Variants in EPHB1 observed in about 807,000 individuals in gnomAD.
The protein encoded by EPHB1 is EPH receptor B1.
A neutral mutation model predicts 94.4 loss-of-function variants in EPHB1; 30 were observed. The ratio of observed to expected loss-of-function variants is 0.32; its 90% CI spans 0.24 to 0.43. The LOEUF is 0.43. Ranked by LOEUF, EPHB1 falls within the 20% of genes least tolerant of loss-of-function variation. EPHB1 has a pLI of 1.00. For missense variants in EPHB1, 1,055 were observed against 1,308.3 expected, an observed-to-expected ratio of 0.81 and a Z score of 2.99; for synonymous variants, 522 against 489.1, an observed-to-expected ratio of 1.07 and a Z score of -0.89.
intron 2 of EPHB1, among the ~76,000 whole-genome samples, chr3:134,936,577 C>CG (rs1043224480): frequency 6.6e-6 from 1 of 152,138 alleles, no homozygotes; most frequent in African/African-American, 2.4e-5. Context: ...ACGCGCCCCC[C>CG]CCTCCATTTG....
intron 1 of EPHB1, among the ~76,000 whole-genome samples, chr3:134,826,150 G>A (rs957537015): frequency 2.0e-5 from 3 of 151,316 alleles, no homozygotes; most frequent in African/African-American, 7.3e-5. Context: ...TACTCTGGAG[G>A]CTGAGGCAGG....
At chr3:135,050,912 T>TTGTG (rs61632320) in intron 3 of EPHB1, among the ~76,000 whole-genome samples, 1,510 of 148,040 alleles carry the variant, frequency 0.01, 8 homozygotes, top group Middle Eastern at 0.017. Context: ...TAAACACCCT[T>TTGTG]TGTGTGTGTG....
intron 5 of EPHB1, among the ~76,000 whole-genome samples, chr3:135,142,488 T>C (rs1161142328): frequency 6.6e-6 from 1 of 152,182 alleles, no homozygotes; most frequent in African/African-American, 2.4e-5. Flanking sequence ...TTGTGAATTA[T>C]GTTATTGCAA....
intron 3 of EPHB1, among the ~76,000 whole-genome samples, chr3:134,963,135 CTCCT>C (rs59384593): frequency 0.19 from 25,725 of 136,880 alleles, 2,863 homozygotes; most frequent in Middle Eastern, 0.29. Flanking sequence ...CCTTCTCTTG[CTCCT>C]TCCTTCCTTC....
intron 4 of EPHB1, among the ~76,000 whole-genome samples, chr3:135,113,941 GAGCAAGGTTC>G (rs1157529904): frequency 6.6e-6 from 1 of 152,196 alleles, no homozygotes; most frequent in African/African-American, 2.4e-5. Flanking sequence ...CCTCACTCCA[GAGCAAGGTTC>G]AGTAGAAAAG....
chr3:134,932,454 C>T (rs1036849646), intron 2 of EPHB1, among the ~76,000 whole-genome samples: 6 of 152,166 alleles, frequency 3.9e-5, no homozygotes, highest in Non-Finnish European at 5.9e-5. Context: ...AAATCAATTA[C>T]GATTTATCTG....
intron 10 of EPHB1, among the ~76,000 whole-genome samples, chr3:135,191,834 C>T (rs955636134): frequency 1.3e-5 from 2 of 152,228 alleles, no homozygotes; most frequent in Non-Finnish European, 1.5e-5. Context: ...CCTTCAGGGT[C>T]GGCCCCGGCT....
At chr3:134,813,074 T>A (rs2036206793) in intron 1 of EPHB1, among the ~76,000 whole-genome samples, 1 of 152,174 alleles carries the variant, frequency 6.6e-6, no homozygotes, top group South Asian at 2.1e-4. Flanking sequence ...TGGGTGGGTC[T>A]CATTCCTGGA....
intron 10 of EPHB1, 115 bp from the exon 11 acceptor site, chr3:135,192,461 C>T (rs569149256): frequency 1.7e-4 from 225 of 1,300,280 alleles, no homozygotes; most frequent in African/African-American, 1.1e-3. Context: ...TTTTAATTTC[C>T]GCCACTTTAA....
intron 3 of EPHB1, among the ~76,000 whole-genome samples, chr3:134,993,869 C>G (rs549063538): frequency 6.6e-6 from 1 of 152,340 alleles, no homozygotes; most frequent in Admixed American, 6.5e-5. Context: ...CATTTAAAGT[C>G]TTGGGTTTCC....
rs562764225 is a variant in EPHB1 at position 134,859,844 on chromosome 3, G to A, written c.58+64155G>A. Among the ~76,000 whole-genome samples the A allele has an allele frequency of 4.6e-5, 7 of 152,070 alleles. No individual in the cohort carries two copies. In the East Asian group the frequency reaches 5.8e-4, roughly 13 times the overall value. ...TAGGTGCATACAAATTTATACGGCC[G>A]CAATCATAATTTGGTATCTTGCTTT... is the stretch of plus-strand genomic sequence containing the variant. On this transcript the variant is annotated intron_variant, in intron 1 of 15. Transcript: ENST00000398015.
chr3:135,039,330 G>C (rs954317720), intron 3 of EPHB1, among the ~76,000 whole-genome samples: 4 of 152,188 alleles, frequency 2.6e-5, no homozygotes, highest in Non-Finnish European at 5.9e-5. Flanking sequence ...GACTCTCCAC[G>C]TCCCCACCAG....
At chr3:134,833,375 A>C (rs1362003441) in intron 1 of EPHB1, among the ~76,000 whole-genome samples, 1 of 152,208 alleles carries the variant, frequency 6.6e-6, no homozygotes, top group East Asian at 1.9e-4. Context: ...TGAGTGGGTG[A>C]GCTGTGTCCC....
chr3:135,256,102 C>T (rs896553760), intron 15 of EPHB1, among the ~76,000 whole-genome samples: 1 of 152,106 alleles, frequency 6.6e-6, no homozygotes, highest in Non-Finnish European at 1.5e-5. Flanking sequence ...TATTTTGAGC[C>T]TATGTGTGTC....
intron 3 of EPHB1, among the ~76,000 whole-genome samples, chr3:135,015,234 G>A (rs557506381): frequency 3.6e-4 from 54 of 151,528 alleles, no homozygotes; most frequent in African/African-American, 1.3e-3. Flanking sequence ...CTGTCCAGTT[G>A]TCCAGTGCCT....
At chr3:134,922,241 G>A (rs1194588206) in intron 1 of EPHB1, among the ~76,000 whole-genome samples, 2 of 151,636 alleles carry the variant, frequency 1.3e-5, no homozygotes, top group East Asian at 2.0e-4. Flanking sequence ...AAATGCAAAT[G>A]AGTGCGCTCT....
At position 134,913,549 on chromosome 3, in the gene EPHB1, C is replaced by T. The variant is rs548441761; in HGVS notation, c.59-12267C>T. Among the ~76,000 whole-genome samples, 20 of 152,204 alleles carry T rather than the reference C, an allele frequency of 1.3e-4. No homozygotes were observed. In the East Asian group the frequency reaches 1.4e-3, roughly 10 times the overall value. On this transcript the variant is annotated intron_variant, in intron 1 of 15. Transcript: ENST00000398015. The stretch of plus-strand genomic sequence containing the variant: ...ACCCCCTTCCCAAGTGCTGTGGATG[C>T]GAGGAAAGACTATAGTCTTAAGTTT...
intron 1 of EPHB1, among the ~76,000 whole-genome samples, chr3:134,860,617 A>G (rs895425459): frequency 1.1e-4 from 16 of 152,166 alleles, no homozygotes; most frequent in African/African-American, 3.9e-4. Flanking sequence ...GATCAAGACC[A>G]TCCTGGCTAA....
intron 1 of EPHB1, among the ~76,000 whole-genome samples, chr3:134,905,521 G>A (rs2038304800): frequency 6.6e-6 from 1 of 152,242 alleles, no homozygotes; most frequent in Non-Finnish European, 1.5e-5. Flanking sequence ...TTATCCATCA[G>A]CCCAGCACAT....
Sources: gnomAD v4.1 joint callset for allele counts (sites outside exome capture counted in the v4.1 genomes callset) on GRCh38, gnomAD v4.1.1 for gene constraint, MANE v1.5 for transcripts, NCBI Gene and HGNC (gene_info 2026-07-23, HGNC 2026-07-21) for gene names.